Variants in TG observed in about 807,000 individuals in gnomAD.
TG encodes thyroid hormones.
Under a neutral mutation model 324.7 loss-of-function variants are expected in TG, and 270 were observed. The observed-to-expected ratio is 0.83, with a 90% CI of 0.75 to 0.92. TG has a LOEUF of 0.92. Ranked by LOEUF, TG falls within the 40% of genes least tolerant of loss-of-function variation. The pLI, the probability that TG is intolerant of heterozygous loss-of-function variation, is 0.00. For missense variants in TG, 3,591 were observed against 3,456.4 expected (o/e 1.04, Z -0.98); for synonymous variants, 1,401 against 1,327.0 (o/e 1.06, Z -1.21).
chr8:132,938,920 C>A (rs193090712), intron 25 of TG, among the ~76,000 whole-genome samples: 1 of 151,786 alleles, frequency 6.6e-6, no homozygotes, highest in East Asian at 1.9e-4. Context: ...GGTGTGGTGG[C>A]GGGCGCCTGT....
chr8:133,058,180 C>T (rs1841803661), intron 41 of TG, among the ~76,000 whole-genome samples: 1 of 152,214 alleles, frequency 6.6e-6, no homozygotes, highest in South Asian at 2.1e-4. Flanking sequence ...CCCTCCCTTA[C>T]TCAAGTAGGT....
At chr8:133,113,364 A>T in intron 43 of TG, 58 bp from the exon 44 acceptor site, 1 of 1,598,906 alleles carries the variant, frequency 6.3e-7, no homozygotes, top group South Asian at 1.1e-5. Flanking sequence ...TTTGAGGGAC[A>T]CTGACTTGGA....
chr8:132,948,673 G>T, intron 26 of TG, 103 bp from the exon 27 acceptor site: 2 of 1,228,244 alleles, frequency 1.6e-6, no homozygotes, highest in East Asian at 2.3e-5. Context: ...CTCCTGAGAC[G>T]CTGTCACCTA....
chr8:132,871,299 C>T (rs1226485098), intron 3 of TG, 49 bp from the exon 4 acceptor site: 2 of 1,601,082 alleles, frequency 1.2e-6, no homozygotes, highest in Non-Finnish European at 1.7e-6. Context: ...GCTCTGCCCC[C>T]TGGAAATTTC....
At chr8:133,086,177 T>C (rs140242982) in intron 41 of TG, among the ~76,000 whole-genome samples, 73 of 152,270 alleles carry the variant, frequency 4.8e-4, no homozygotes, top group African/African-American at 1.7e-3. Context: ...GAAAGTAGAT[T>C]AGTGATGGCC....
chr8:132,926,693 G>A (rs555698321), intron 22 of TG, among the ~76,000 whole-genome samples: 16 of 152,252 alleles, frequency 1.1e-4, no homozygotes, highest in Non-Finnish European at 1.9e-4. Flanking sequence ...GTTCTGCAGG[G>A]GACAGAGGGA....
chr8:132,900,290 C>T lies in TG; in HGVS notation c.3384C>T (p.Asp1128=), dbSNP rs1817726821. Reference sequence around the variant, plus strand: ...CGGGGGCTGGCACCTGGTGTGTGGACCCTGCATCAGGAGAAGAGTTGCGGC... The same window carrying T: ...CGGGGGCTGGCACCTGGTGTGTGGATCCTGCATCAGGAGAAGAGTTGCGGC... ...QASGAGTWCV[D]PASGEELRPG... Residue 1128 remains aspartate (D), a synonymous_variant, in exon 15 of 48, where the codon GAC becomes GAT. Transcript: ENST00000220616. The T allele has an allele frequency of 6.2e-7, 1 of 1,614,028 alleles. No homozygotes were observed. Among genetic ancestry groups the T allele is most frequent in the Non-Finnish European group, 8.5e-7 (1 of 1,179,992 alleles).
At chr8:132,988,016 ATTCT>A (rs1831795244) in intron 35 of TG, among the ~76,000 whole-genome samples, 1 of 150,062 alleles carries the variant, frequency 6.7e-6, no homozygotes, top group African/African-American at 2.5e-5. Flanking sequence ...GGGGAGCAGA[ATTCT>A]TTCTTTGAAG....
At chr8:133,066,100 G>A (rs1003747597) in intron 41 of TG, among the ~76,000 whole-genome samples, 1 of 152,108 alleles carries the variant, frequency 6.6e-6, no homozygotes, top group African/African-American at 2.4e-5. Context: ...GAGGCGGGCA[G>A]ATCACGAGGT....
intron 13 of TG, 87 bp from the exon 14 acceptor site, chr8:132,898,711 G>A: frequency 8.9e-7 from 1 of 1,121,006 alleles, no homozygotes; most frequent in Admixed American, 1.8e-5. Context: ...CCAGGCTCAT[G>A]ACCCTTAAAG....
At chr8:133,035,858 CT>C (rs1361252428) in intron 41 of TG, among the ~76,000 whole-genome samples, 2 of 152,212 alleles carry the variant, frequency 1.3e-5, no homozygotes, top group Admixed American at 6.5e-5. Flanking sequence ...ACAGCATGAT[CT>C]TTTAAACATA....
At chr8:133,036,912 G>A (rs1837211998) in intron 41 of TG, 1 of 152,418 alleles carries the variant, frequency 6.6e-6, no homozygotes, top group African/African-American at 2.4e-5. Flanking sequence ...GGGTCACCCT[G>A]CCTTATGCGG....
intron 43 of TG, among the ~76,000 whole-genome samples, chr8:133,101,581 TAAATTGCC>T (rs61624689): frequency 0.22 from 33,734 of 151,932 alleles, 4,195 homozygotes; most frequent in South Asian, 0.3. Flanking sequence ...TCAATTGCAG[TAAATTGCC>T]ACATCCACCT....
intron 27 of TG, among the ~76,000 whole-genome samples, chr8:132,958,710 C>CAAA (rs34843766): frequency 0.6 from 89,158 of 147,776 alleles, 28,816 homozygotes; most frequent in East Asian, 0.83. Context: ...GACTTTGTCT[C>CAAA]AAAAAAAAAA....
At chr8:132,977,581 G>A (rs1236900255) in intron 34 of TG, among the ~76,000 whole-genome samples, 1 of 152,130 alleles carries the variant, frequency 6.6e-6, no homozygotes, top group Non-Finnish European at 1.5e-5. Flanking sequence ...AATCGTGACG[G>A]AAGGCAAGCA....
intron 11 of TG, among the ~76,000 whole-genome samples, chr8:132,894,397 C>T (rs192898821): frequency 8.0e-4 from 121 of 151,912 alleles, no homozygotes; most frequent in African/African-American, 2.4e-3. Context: ...TACCTGCATG[C>T]GACAGAGGCA....
intron 22 of TG, among the ~76,000 whole-genome samples, chr8:132,926,992 T>C (rs1821957571): frequency 6.6e-6 from 1 of 152,192 alleles, no homozygotes; most frequent in South Asian, 2.1e-4. Context: ...ATTTCCACCT[T>C]GCTCACTGGA....
At chr8:132,990,921 T>TG (rs1379700565) in intron 35 of TG, among the ~76,000 whole-genome samples, 3 of 151,744 alleles carry the variant, frequency 2.0e-5, no homozygotes, top group Non-Finnish European at 4.4e-5. Flanking sequence ...GCCAGTTTTT[T>TG]TTTTTTTTTT....
intron 27 of TG, among the ~76,000 whole-genome samples, chr8:132,958,681 G>GCC (rs1827302927): frequency 3.0e-5 from 1 of 33,156 alleles, no homozygotes; most frequent in Non-Finnish European, 5.3e-5. Context: ...TCGTGCTGCT[G>GCC]CACCAGGCAA....
Sources: gnomAD v4.1 joint callset for allele counts (sites outside exome capture counted in the v4.1 genomes callset) on GRCh38, gnomAD v4.1.1 for gene constraint, MANE v1.5 for transcripts, NCBI Gene and HGNC (gene_info 2026-07-23, HGNC 2026-07-21) for gene names.